Variants in TTK observed in about 807,000 individuals in gnomAD.
TTK encodes TTK protein kinase.
Under a neutral mutation model 117.3 loss-of-function variants are expected in TTK, and 59 were observed. The observed-to-expected ratio is 0.50, with a 90% CI of 0.41 to 0.62. The LOEUF (loss-of-function observed/expected upper bound fraction) is 0.62. TTK is among the 20% of genes least tolerant of loss of function. The probability of loss-of-function intolerance (pLI) is 0.00; values close to 1 mark genes in which losing one functional copy is unlikely to be tolerated. For synonymous variants in TTK, 302 were observed against 325.0 expected (o/e 0.93, Z 0.76); for missense variants, 921 against 989.4 (o/e 0.93, Z 0.93).
chr6:80,041,570 A>G (rs1020262523), intron 21 of TTK, among the ~76,000 whole-genome samples: 15 of 151,750 alleles, frequency 9.9e-5, no homozygotes, highest in Admixed American at 3.3e-4. Flanking sequence ...TCTTATAGCT[A>G]TAGTTGAGGT....
chr6:80,011,010 A>T, intron 5 of TTK, 53 bp downstream of exon 5: 1 of 1,524,480 alleles, frequency 6.6e-7, no homozygotes. Flanking sequence ...CTTCAAATAA[A>T]GATTCGGGAT....
chr6:80,036,567 C>G lies in TTK; in HGVS notation c.2017C>G (p.Pro673Ala), dbSNP rs1485087083. Residue 673 changes from proline (P) to alanine (A), a missense_variant, in exon 17 of 22, where the codon CCA becomes GCA. Coordinates refer to ENST00000369798, the MANE Select transcript of TTK (RefSeq NM_003318.5). ...TTTTGGGATTGCAAACCAAATGCAA[C>G]CAGATACAACAAGTGTTGTTAAAGA... is the stretch of plus-strand genomic sequence containing the variant. The part of the protein sequence containing the change: ...IDFGIANQMQ[P>A]DTTSVVKDSQ... 2.5e-6 allele frequency: 4 copies of G among 1,611,054 alleles called. No homozygotes were observed. Among genetic ancestry groups the G allele is most frequent in the Non-Finnish European group, 3.4e-6 (4 of 1,178,522 alleles).
intron 12 of TTK, 22 bp downstream of exon 12, chr6:80,026,536 T>A (rs1041009443): frequency 3.7e-6 from 6 of 1,612,202 alleles, no homozygotes; most frequent in Admixed American, 3.3e-5. Context: ...GGCCCCTTGC[T>A]TGATTGGCAG....
chr6:80,019,671 A>G (rs915230074), intron 10 of TTK, among the ~76,000 whole-genome samples: 2 of 152,210 alleles, frequency 1.3e-5, no homozygotes, highest in African/African-American at 4.8e-5. Context: ...AGAGTTAAAT[A>G]TATTTTGCCG....
rs554839359 is a variant in TTK at position 80,039,673 on chromosome 6, GTGTT to G, written c.2131-13_2131-10del. The G allele has an allele frequency of 3.5e-4, 510 of 1,476,492 alleles. 4 individuals carry two copies. In the East Asian group the frequency reaches 7.1e-3, roughly 20 times the overall value. 91.5% of individuals were successfully genotyped at this position (1,476,492 alleles called of 1,614,324 possible). A position where few individuals can be genotyped will look rare whatever the true frequency, so the allele number is the denominator to read the frequency against. ...ATATGAAAATAACAGCAACTTTTTT[GTGTT>G]TGTTTGTTTTTTTCTTAGATAAGCC... On this transcript the variant is annotated intron_variant, in intron 18 of 21. Transcript: ENST00000369798.
chr6:80,041,997 C>G (rs924034343), intron 21 of TTK, 122 bp from the exon 22 acceptor site: 1 of 504,640 alleles, frequency 2.0e-6, no homozygotes, highest in African/African-American at 2.0e-5. Context: ...AATAATTTCC[C>G]AACTGTAAGA....
chr6:80,016,267 T>C (rs1305652382), intron 10 of TTK, among the ~76,000 whole-genome samples: 1 of 152,188 alleles, frequency 6.6e-6, no homozygotes, highest in Non-Finnish European at 1.5e-5. Flanking sequence ...AGGATATGCA[T>C]GTGTTCAGCT....
At chr6:80,008,272 T>C in intron 3 of TTK, 114 bp from the exon 4 acceptor site, 1 of 1,113,614 alleles carries the variant, frequency 9.0e-7, no homozygotes, top group Non-Finnish European at 1.3e-6. Flanking sequence ...GTATTTAATT[T>C]TACCCACAGA....
At chr6:80,022,032 A>G (rs59990086) in intron 10 of TTK, among the ~76,000 whole-genome samples, 10,547 of 152,276 alleles carry the variant, frequency 0.069, 414 homozygotes, top group South Asian at 0.12. Flanking sequence ...TATAACATCT[A>G]TATGTTTTTA....
chr6:80,027,100 C>T (rs894954103), intron 12 of TTK, among the ~76,000 whole-genome samples: 8 of 152,034 alleles, frequency 5.3e-5, no homozygotes, highest in Admixed American at 1.3e-4. Flanking sequence ...TAAAGGGATG[C>T]GATACATTAT....
At chr6:80,024,076 C>A (rs1377889561) in intron 11 of TTK, among the ~76,000 whole-genome samples, 2 of 152,162 alleles carry the variant, frequency 1.3e-5, no homozygotes, top group Non-Finnish European at 2.9e-5. Context: ...ACTTCACACC[C>A]ACTAGGACGG....
intron 11 of TTK, among the ~76,000 whole-genome samples, chr6:80,022,887 C>A (rs151588): frequency 0.64 from 97,650 of 152,070 alleles, 31,720 homozygotes; most frequent in Admixed American, 0.74. Flanking sequence ...GGTCCTTTAC[C>A]GAAAACTGTA....
At chr6:80,005,284 T>C (rs941021029) in intron 1 of TTK, among the ~76,000 whole-genome samples, 3 of 152,154 alleles carry the variant, frequency 2.0e-5, no homozygotes, top group Admixed American at 1.3e-4. Context: ...AGTACAATAG[T>C]TTCTTAGTGT....
intron 2 of TTK, among the ~76,000 whole-genome samples, chr6:80,006,597 A>C (rs1767001073): frequency 6.6e-6 from 1 of 152,170 alleles, no homozygotes; most frequent in African/African-American, 2.4e-5. Context: ...GAATTTATAT[A>C]TTCACTATGC....
intron 10 of TTK, among the ~76,000 whole-genome samples, chr6:80,018,105 G>A (rs537644824): frequency 5.2e-4 from 79 of 151,700 alleles, no homozygotes; most frequent in African/African-American, 1.9e-3. Context: ...AGCCCAGGAG[G>A]TCGAGACTGC....
chr6:80,029,005 A>T (rs1369037750), intron 13 of TTK, among the ~76,000 whole-genome samples: 1 of 152,220 alleles, frequency 6.6e-6, no homozygotes, highest in African/African-American at 2.4e-5. Flanking sequence ...TAAATTAGTT[A>T]ATATAGACGT....
chr6:80,032,182 A>C (rs1767776374), intron 14 of TTK, among the ~76,000 whole-genome samples: 1 of 152,280 alleles, frequency 6.6e-6, no homozygotes, highest in African/African-American at 2.4e-5. Context: ...CAAGAACACT[A>C]ATGACCTCCA....
intron 10 of TTK, among the ~76,000 whole-genome samples, chr6:80,017,577 C>A (rs1364192659): frequency 6.6e-6 from 1 of 152,170 alleles, no homozygotes; most frequent in African/African-American, 2.4e-5. Context: ...TCACACCAGG[C>A]CTAATGCTCT....
At position 80,005,905 on chromosome 6, in the gene TTK, G is replaced by T. The variant is rs1212996087; in HGVS notation, c.62G>T (p.Arg21Ile). Residue 21 changes from arginine (R) to isoleucine (I), a missense_variant, in exon 2 of 22, where the codon AGA becomes ATA. Transcript: ENST00000369798. ...LTIDSIMNKV[R>I]DIKNKFKNED... is the part of the protein sequence containing the mutation. Reference sequence around the variant, plus strand: ...ATTGATTCCATAATGAACAAAGTGAGAGACATTAAAAATAAGTTTAAAAAT... The same window carrying T: ...ATTGATTCCATAATGAACAAAGTGATAGACATTAAAAATAAGTTTAAAAAT... 6.2e-7 allele frequency: 1 copy of T among 1,612,478 alleles called. No individual in the cohort carries two copies.
Sources: gnomAD v4.1 joint callset for allele counts (sites outside exome capture counted in the v4.1 genomes callset) on GRCh38, gnomAD v4.1.1 for gene constraint, MANE v1.5 for transcripts, NCBI Gene and HGNC (gene_info 2026-07-23, HGNC 2026-07-21) for gene names.